The following RFX2 variants were observed in gnomAD, a reference collection of about 807,000 sequenced individuals.
The protein encoded by RFX2 is DNA-binding protein RFX2.
RFX2 carries 20 observed loss-of-function variants against 87.8 expected under a neutral mutation model. The observed-to-expected ratio is 0.23, with a 90% CI of 0.16 to 0.33. The LOEUF (loss-of-function observed/expected upper bound fraction) is 0.33. Among genes scored for constraint, RFX2 ranks in the 10% least tolerant of loss-of-function variants. The probability of loss-of-function intolerance (pLI) is 1.00; values close to 1 mark genes in which losing one functional copy is unlikely to be tolerated. For synonymous variants in RFX2, 397 were observed against 431.3 expected, an observed-to-expected ratio of 0.92 and a Z score of 0.98; for missense variants, 767 against 1,012.3, an observed-to-expected ratio of 0.76 and a Z score of 3.29.
Position 6,044,220 on chromosome 19 carries a change from GA to G in RFX2, c.152del (p.Leu51ProfsTer67). The G allele has an allele frequency of 6.3e-7, 1 of 1,579,202 alleles. No homozygotes were observed. Among genetic ancestry groups the G allele is most frequent in the Non-Finnish European group, 8.6e-7 (1 of 1,162,936 alleles). On this transcript the variant is annotated frameshift_variant, in exon 3 of 18. Coordinates refer to ENST00000303657, the MANE Select transcript of RFX2 (RefSeq NM_000635.4). LOFTEE classifies it high-confidence loss of function. The surrounding 1 kb of genome is among the most constrained non-coding windows in gnomAD (Gnocchi z 5.3). The stretch of plus-strand genomic sequence containing the variant: ...GCTGGGGTACCTGCTGAACTCTGGG[GA>G]GGGAGATCGGCTGCATCTGGGCCCC... ...PKGAQMQPIS[L>X]PRVQQVPQQV... is the part of the protein sequence containing the mutation.
In RFX2 at chr19:6,007,863, CA is replaced by C. The variant is rs753775079; in HGVS notation, c.1135-62del. 29 of 1,183,516 alleles carry C rather than the reference CA, an allele frequency of 2.5e-5. No individual in the cohort carries two copies. In the African/African-American group the frequency reaches 4.4e-4, roughly 18 times the overall value. 73.3% of individuals were successfully genotyped at this position (1,183,516 alleles called of 1,614,324 possible). On this transcript the variant is annotated intron_variant, in intron 10 of 17. Transcript: ENST00000303657. The surrounding 1 kb of genome is among the most constrained non-coding windows in gnomAD (Gnocchi z 8.2). ...GTGCGCCCATCACGTGCACTCAGCA[CA>C]CGTCAAGTGAGCAGCCGTGATCCGG...
At chr19:6,028,746 T>C (rs2086920068) in intron 5 of RFX2, among the ~76,000 whole-genome samples, 1 of 152,072 alleles carries the variant, frequency 6.6e-6, no homozygotes, top group Non-Finnish European at 1.5e-5. Context: ...TAAGGAAATT[T>C]TCGTCAGATC....
In RFX2 at chr19:6,026,583, A is replaced by G. The variant is rs958340073; in HGVS notation, c.523-346T>C. ...CAGCCACTGCATCCATTCCAGTGTC[A>G]GCCAAGCCAGCATCATAGTCACCTG... On this transcript the variant is annotated intron_variant, in intron 5 of 17. Transcript: ENST00000303657. This position sits in a 1 kb window ranked among gnomAD's most constrained non-coding sequence, Gnocchi z 4.5. 1 of 317,132 alleles carries G rather than the reference A, an allele frequency of 3.2e-6. No homozygotes were observed. Among genetic ancestry groups the G allele is most frequent in the Non-Finnish European group, 6.0e-6 (1 of 167,782 alleles). The allele number at this position is 317,132 out of a possible 1,614,324, so 19.6% of individuals were successfully genotyped here.
intron 1 of RFX2, among the ~76,000 whole-genome samples, chr19:6,103,991 A>G (rs2088169387): frequency 6.6e-6 from 1 of 152,188 alleles, no homozygotes. Context: ...TAAATAGCTT[A>G]TAGAAATTAT....
chr19:5,996,417 C>T (rs925889418), intron 16 of RFX2, among the ~76,000 whole-genome samples: 38 of 122,750 alleles, frequency 3.1e-4, no homozygotes, highest in Admixed American at 2.7e-3. Context: ...CGGGCCGCAG[C>T]GCGGATGTCA....
chr19:6,026,419 G>A lies in RFX2; in HGVS notation c.523-182C>T. The A allele has an allele frequency of 1.6e-6, 1 of 612,718 alleles. No individual in the cohort carries two copies. The highest frequency in any genetic ancestry group is 2.0e-5 in the South Asian group (1 of 49,950). The allele number at this position is 612,718 out of a possible 1,614,324, so 38.0% of individuals were successfully genotyped here. On this transcript the variant is annotated intron_variant, in intron 5 of 17. Transcript: ENST00000303657. The surrounding 1 kb of genome is among the most constrained non-coding windows in gnomAD (Gnocchi z 4.5). ...GGGGTGAGTTAAATTGTGCATGAAA[G>A]CTGCGGTAGGGAGTGTTGCTTCGCA...
At chr19:6,094,727 CAAT>C (rs2087996720) in intron 1 of RFX2, among the ~76,000 whole-genome samples, 1 of 152,128 alleles carries the variant, frequency 6.6e-6, no homozygotes, top group Non-Finnish European at 1.5e-5. Context: ...AATATCTCGA[CAAT>C]AATTTTTCAT....
rs200568804 is a variant in RFX2 at position 6,047,027 on chromosome 19, A to G, written c.90+380T>C. Among the ~76,000 whole-genome samples, 672 of 151,898 alleles carry G rather than the reference A, an allele frequency of 4.4e-3. 7 individuals are homozygous for G. In the East Asian group the frequency reaches 0.071, roughly 16 times the overall value. ...GTAATCTGCCAGTCTCAGTCTCCCA[A>G]AGTGCTGGGATTACCTGTGTGAGCC... On this transcript the variant is annotated intron_variant, in intron 2 of 17. Coordinates refer to ENST00000303657, the MANE Select transcript of RFX2 (RefSeq NM_000635.4). This position sits in a 1 kb window ranked among gnomAD's most constrained non-coding sequence, Gnocchi z 4.2.
In RFX2 at chr19:5,999,340, G is replaced by A. The variant is rs575315471; in HGVS notation, c.1860-2127C>T. Among the ~76,000 whole-genome samples, 2 of 152,200 alleles carry A rather than the reference G, an allele frequency of 1.3e-5. No individual in the cohort carries two copies. The highest frequency in any genetic ancestry group is 1.9e-4 in the East Asian group (1 of 5,158). ...ACCCCCACCTTGCAGACGTGACCCC[G>A]ATCCCCTCCAGCTCTGAGCTGTGCT... On this transcript the variant is annotated intron_variant, in intron 15 of 17. Coordinates refer to ENST00000303657, the MANE Select transcript of RFX2 (RefSeq NM_000635.4). This position sits in a 1 kb window ranked among gnomAD's most constrained non-coding sequence, Gnocchi z 4.1.
At chr19:6,098,813 G>A (rs1471812232) in intron 1 of RFX2, among the ~76,000 whole-genome samples, 1 of 152,136 alleles carries the variant, frequency 6.6e-6, no homozygotes, top group Non-Finnish European at 1.5e-5. Flanking sequence ...GCCAAGGTTA[G>A]AAATATTTGC....
At chr19:6,107,616 C>CAAAAAAAAA (rs1156483792) in intron 1 of RFX2, among the ~76,000 whole-genome samples, 345 of 31,560 alleles carry the variant, frequency 0.011, 56 homozygotes, top group African/African-American at 0.032. Context: ...GACCCTGTCT[C>CAAAAAAAAA]AAAAAAAAAA....
At chr19:6,104,756 G>A (rs1483009478) in intron 1 of RFX2, among the ~76,000 whole-genome samples, 5 of 152,010 alleles carry the variant, frequency 3.3e-5, no homozygotes, top group Admixed American at 2.0e-4. Context: ...AAGTGTCAAG[G>A]AAACCATTTG....
At chr19:6,100,449 C>G (rs1311024652) in intron 1 of RFX2, among the ~76,000 whole-genome samples, 2 of 152,142 alleles carry the variant, frequency 1.3e-5, no homozygotes, top group Non-Finnish European at 2.9e-5. Flanking sequence ...CAAAGAGCCG[C>G]AGGGAGACAA....
Position 6,022,337 on chromosome 19 carries a change from T to C in RFX2, c.597+3826A>G, listed in dbSNP as rs1349031758. Among the ~76,000 whole-genome samples the C allele has an allele frequency of 6.6e-6, 1 of 152,218 alleles. No homozygotes were observed. The highest frequency in any genetic ancestry group is 1.5e-5 in the Non-Finnish European group (1 of 68,032). On this transcript the variant is annotated intron_variant, in intron 6 of 17. Coordinates refer to ENST00000303657, the MANE Select transcript of RFX2 (RefSeq NM_000635.4). The surrounding 1 kb of genome is among the most constrained non-coding windows in gnomAD (Gnocchi z 6.2). ...GCTACACAGGTCACCAGCTGAAGGC[T>C]AAATGACCTTTGACAATGTGTGTTT... is the stretch of plus-strand genomic sequence containing the variant.
intron 6 of RFX2, among the ~76,000 whole-genome samples, chr19:6,018,851 C>T (rs1037202466): frequency 6.6e-6 from 1 of 152,342 alleles, no homozygotes; most frequent in Admixed American, 6.5e-5. Flanking sequence ...CAGGTAAGTC[C>T]CGTGGCCAAA....
intron 1 of RFX2, among the ~76,000 whole-genome samples, chr19:6,084,194 C>A (rs2087824139): frequency 6.6e-6 from 1 of 152,182 alleles, no homozygotes; most frequent in Non-Finnish European, 1.5e-5. Context: ...TATACATGAC[C>A]ACAGGCAAGA....
At chr19:6,103,027 C>T (rs1300864918) in intron 1 of RFX2, among the ~76,000 whole-genome samples, 3 of 152,136 alleles carry the variant, frequency 2.0e-5, no homozygotes, top group Admixed American at 2.0e-4. Flanking sequence ...CATGCACACA[C>T]GTCCAAAAAA....
intron 1 of RFX2, among the ~76,000 whole-genome samples, chr19:6,097,331 G>C (rs1049975171): frequency 6.6e-6 from 1 of 152,044 alleles, no homozygotes; most frequent in African/African-American, 2.4e-5. Context: ...TAGACCCTGG[G>C]CCCAACCCTT....
Position 6,045,622 on chromosome 19 carries a change from G to A in RFX2, c.91-1340C>T, listed in dbSNP as rs548308636. 2.0e-5 allele frequency among the ~76,000 whole-genome samples: 3 copies of A among 151,976 alleles called. No individual in the cohort carries two copies. Among genetic ancestry groups the A allele is most frequent in the Non-Finnish European group, 4.4e-5 (3 of 68,022 alleles). ...CCATACACACTACATCAAATAAACCGCTTCACTGTCTGCCTTTTTGTTTTT... is the reference window on the plus strand; with the variant it reads ...CCATACACACTACATCAAATAAACCACTTCACTGTCTGCCTTTTTGTTTTT... On this transcript the variant is annotated intron_variant, in intron 2 of 17. Coordinates refer to ENST00000303657, the MANE Select transcript of RFX2 (RefSeq NM_000635.4). This position sits in a 1 kb window ranked among gnomAD's most constrained non-coding sequence, Gnocchi z 5.2.
Sources: allele counts gnomAD v4.1 joint callset (sites outside exome capture counted in the v4.1 genomes callset), GRCh38; gene constraint gnomAD v4.1.1; non-coding constraint Gnocchi (gnomAD v3.1); transcripts MANE v1.5; gene names NCBI Gene and HGNC (gene_info 2026-07-23, HGNC 2026-07-21).